Variants in NRAS observed in about 807,000 individuals in gnomAD.
NRAS encodes the protein NRAS proto-oncogene, GTPase.
In NRAS, 6 loss-of-function variants were observed where a neutral mutation model predicts 21.3. The ratio of observed to expected loss-of-function variants is 0.28; its 90% CI spans 0.15 to 0.56. The LOEUF (loss-of-function observed/expected upper bound fraction) is 0.56, where lower values mean the gene tolerates loss of function less well. NRAS is among the 20% of genes least tolerant of loss of function. The pLI, the probability that NRAS is intolerant of heterozygous loss-of-function variation, is 0.93. For synonymous variants in NRAS, 84 were observed against 82.0 expected (o/e 1.02, Z -0.13); for missense variants, 143 against 231.3 (o/e 0.62, Z 2.48).
At chr1:114,714,013 G>A (rs762225652) in intron 2 of NRAS, 35 bp from the exon 3 acceptor site, 14 of 1,071,916 alleles carry the variant, frequency 1.3e-5, no homozygotes. Flanking sequence ...CAGGGAGGGA[G>A]GGAAGTTCAA....
chr1:114,705,820 C>G lies in NRAS; in HGVS notation c.*2274G>C, dbSNP rs1340961755. 6.6e-6 allele frequency: 1 copy of G among 152,202 alleles called. No individual in the cohort carries two copies. The highest frequency in any genetic ancestry group is 1.9e-4 in the East Asian group (1 of 5,202). 9.4% of individuals were successfully genotyped at this position (152,202 alleles called of 1,614,324 possible). A position where few individuals can be genotyped will look rare whatever the true frequency, so the allele number is the denominator to read the frequency against. On this transcript the variant is annotated 3_prime_UTR_variant, in exon 7 of 7. Transcript: ENST00000369535. The stretch of plus-strand genomic sequence containing the variant: ...TCTTAAGGTATTCAAAGAACATACT[C>G]AAGTCTGAATTTTGGCCCCATTTAG...
intron 5 of NRAS, 150 bp downstream of exon 5, chr1:114,708,381 G>A (rs1658963153): frequency 1.3e-6 from 1 of 756,380 alleles, no homozygotes; most frequent in African/African-American, 1.7e-5. Context: ...TTAGACCTCA[G>A]TACTTTCAGA....
chr1:114,711,836 T>C (rs1659053167), intron 3 of NRAS, among the ~76,000 whole-genome samples: 1 of 152,204 alleles, frequency 6.6e-6, no homozygotes, highest in African/African-American at 2.4e-5. Flanking sequence ...CAGTACTTTA[T>C]GTGATGATGG....
In NRAS at chr1:114,705,236, CTAAAA is replaced by C. The variant is rs1319871433; in HGVS notation, c.*2853_*2857del. ...TGGTGAAAGACTAAACATGGGCCCA[CTAAAA>C]TAGAGATTAATTTTACCTATTACAC... On this transcript the variant is annotated 3_prime_UTR_variant, in exon 7 of 7. Transcript: ENST00000369535. The C allele has an allele frequency of 6.6e-6, 1 of 152,074 alleles. No individual in the cohort carries two copies. 9.4% of individuals were successfully genotyped at this position (152,074 alleles called of 1,614,324 possible). A position where few individuals can be genotyped will look rare whatever the true frequency, so the allele number is the denominator to read the frequency against.
chr1:114,713,699 T>C (rs1171271363), intron 3 of NRAS, 101 bp downstream of exon 3: 1 of 1,003,276 alleles, frequency 1.0e-6, no homozygotes, highest in Non-Finnish European at 1.6e-6. Context: ...ACTCTTCCCA[T>C]AATTAAAAAG....
intron 3 of NRAS, among the ~76,000 whole-genome samples, chr1:114,711,874 A>C (rs1223264664): frequency 6.6e-6 from 1 of 152,176 alleles, no homozygotes; most frequent in African/African-American, 2.4e-5. Context: ...ACTGTTCAAC[A>C]TGGTACCTAC....
intron 3 of NRAS, among the ~76,000 whole-genome samples, chr1:114,712,268 T>A (rs1355878218): frequency 3.3e-5 from 5 of 152,208 alleles, no homozygotes; most frequent in Non-Finnish European, 7.3e-5. Context: ...ACCAAATTTG[T>A]AGTCCACCTT....
intron 3 of NRAS, among the ~76,000 whole-genome samples, chr1:114,713,371 C>G (rs1395547528): frequency 1.3e-5 from 2 of 151,970 alleles, no homozygotes; most frequent in African/African-American, 2.4e-5. Flanking sequence ...CTCTGTTGCC[C>G]AGGCTGGTCT....
At position 114,708,582 on chromosome 1, in the gene NRAS, C is replaced by T. The variant is rs1322008733; in HGVS notation, c.523G>A (p.Asp175Asn). The change falls in exon 5 of 7, where the codon GAT becomes AAT. Residue 175 changes from aspartate to asparagine, a missense_variant. Asp to Asn is a conservative substitution (Grantham distance 23, BLOSUM62 1). Coordinates refer to ENST00000369535, the MANE Select transcript of NRAS (RefSeq NM_002524.5). ...QYRMKKLNSSDDGTQGCMGLP... is the reference protein window; with the variant it reads ...QYRMKKLNSSNDGTQGCMGLP... The stretch of plus-strand genomic sequence containing the variant: ...CCCATACAACCCTGAGTCCCATCAT[C>T]ACTGCTGTTGAGTTTTTTCATTCGG... 1.9e-6 allele frequency: 3 copies of T among 1,613,496 alleles called. No individual in the cohort carries two copies. The highest frequency in any genetic ancestry group is 1.1e-5 in the South Asian group (1 of 91,066).
chr1:114,709,840 G>A, intron 3 of NRAS, 112 bp from the exon 4 acceptor site: 1 of 824,220 alleles, frequency 1.2e-6, no homozygotes, highest in Non-Finnish European at 2.1e-6. Context: ...CAGACTGCTT[G>A]AACCCAGGAG....
rs775442535 is a variant in NRAS, at chr1:114,708,643, ATCT to A, written c.459_461del (p.Glu153del). 1.2e-6 allele frequency: 2 copies of A among 1,613,880 alleles called. No homozygotes were observed. Among genetic ancestry groups the A allele is most frequent in the Non-Finnish European group, 1.7e-6 (2 of 1,179,726 alleles). ...TTTCTCTTACCAGTGTGTAAAAAGC[ATCT>A]TCAACACCCTATAAAAGGAAAAAAT... On this transcript the variant is annotated inframe_deletion, in exon 5 of 7. Transcript: ENST00000369535.
At chr1:114,714,730 T>A (rs1184985103) in intron 2 of NRAS, among the ~76,000 whole-genome samples, 1 of 152,200 alleles carries the variant, frequency 6.6e-6, no homozygotes, top group Non-Finnish European at 1.5e-5. Flanking sequence ...CAAAAAGCAC[T>A]GGGCTGTAGA....
chr1:114,712,299 A>G (rs1316537820), intron 3 of NRAS, among the ~76,000 whole-genome samples: 2 of 152,340 alleles, frequency 1.3e-5, no homozygotes, highest in Middle Eastern at 3.4e-3. Flanking sequence ...CTGGAACTTC[A>G]TGCACAATCA....
chr1:114,711,646 A>G (rs1659048640), intron 3 of NRAS, among the ~76,000 whole-genome samples: 1 of 152,028 alleles, frequency 6.6e-6, no homozygotes, highest in Admixed American at 6.6e-5. Context: ...CAAACCTAAA[A>G]CAAAACATTG....
Position 114,713,974 on chromosome 1 carries a change from G to A in NRAS, c.116C>T (p.Ser39Phe), listed in dbSNP as rs139287106. ...VDEYDPTIED[S>F]YRKQVVIDGE... ...ATCTATAACCACTTGTTTTCTGTAA[G>A]AATCCTGGGGGTGTGGAGGGTAAGG... The change falls in exon 3 of 7, where the codon TCT becomes TTT. Residue 39 changes from serine to phenylalanine, a missense_variant. Ser to Phe is a radical substitution (Grantham distance 155). Transcript: ENST00000369535. The A allele has an allele frequency of 8.6e-7, 1 of 1,157,692 alleles. No homozygotes were observed. The highest frequency in any genetic ancestry group is 1.2e-5 in the South Asian group (1 of 81,440). The allele number at this position is 1,157,692 out of a possible 1,614,324, so 71.7% of individuals were successfully genotyped here. A position where few individuals can be genotyped will look rare whatever the true frequency, so the allele number is the denominator to read the frequency against.
Position 114,706,761 on chromosome 1 carries a change from T to G in NRAS, c.*1333A>C, listed in dbSNP as rs1365033305. 1 of 152,210 alleles carries G rather than the reference T, an allele frequency of 6.6e-6. No homozygotes were observed. Among genetic ancestry groups the G allele is most frequent in the East Asian group, 1.9e-4 (1 of 5,192 alleles). The allele number at this position is 152,210 out of a possible 1,614,324, so 9.4% of individuals were successfully genotyped here. A position where few individuals can be genotyped will look rare whatever the true frequency, so the allele number is the denominator to read the frequency against. Reference sequence around the variant, plus strand: ...TGGAGTTACTGGTGCAATGAGCAAATGCAGAAGAATTTCTTTCTCTGTGAT... The same window carrying G: ...TGGAGTTACTGGTGCAATGAGCAAAGGCAGAAGAATTTCTTTCTCTGTGAT... On this transcript the variant is annotated 3_prime_UTR_variant, in exon 7 of 7. Transcript: ENST00000369535.
At position 114,709,564 on chromosome 1, in the gene NRAS, C is replaced by A. The variant is rs1208203963; in HGVS notation, c.450+5G>T. On this transcript the variant is annotated splice_donor_5th_base_variant and intron_variant, in intron 4 of 6. Coordinates refer to ENST00000369535, the MANE Select transcript of NRAS (RefSeq NM_002524.5). ...CTTGCACAAATGCTGAAAGCTGTAC[C>A]ATACCTGTCTGGTCTTGGCTGAGGT... 6.2e-7 allele frequency: 1 copy of A among 1,613,286 alleles called. No homozygotes were observed.
At chr1:114,710,134 T>A (rs1028631404) in intron 3 of NRAS, among the ~76,000 whole-genome samples, 9 of 150,318 alleles carry the variant, frequency 6.0e-5, no homozygotes, top group Non-Finnish European at 1.2e-4. Flanking sequence ...AAGATTGCAG[T>A]GAGCCAAGAT....
chr1:114,715,729 ACAAT>A (rs1243538505), intron 2 of NRAS, among the ~76,000 whole-genome samples: 10 of 152,174 alleles, frequency 6.6e-5, no homozygotes, highest in South Asian at 2.1e-4. Context: ...TATCTCCCAT[ACAAT>A]CAGACAGTCT....
Sources: gnomAD v4.1 joint callset for allele counts (sites outside exome capture counted in the v4.1 genomes callset) on GRCh38, gnomAD v4.1.1 for gene constraint, MANE v1.5 for transcripts, NCBI Gene and HGNC (gene_info 2026-07-23, HGNC 2026-07-21) for gene names.